BRINP2: variants seen among roughly 807,000 people sequenced by gnomAD.
The protein encoded by BRINP2 is BMP/retinoic acid inducible neural specific 2, also known as BMP/retinoic acid-inducible neural-specific protein 2.
BRINP2 carries 21 observed loss-of-function variants against 69.2 expected under a neutral mutation model. The ratio of observed to expected loss-of-function variants is 0.30; its 90% confidence interval spans 0.22 to 0.44. The LOEUF is 0.44. BRINP2 is among the 20% of genes least tolerant of loss of function. The probability of loss-of-function intolerance (pLI) is 1.00; values close to 1 mark genes in which losing one functional copy is unlikely to be tolerated. For synonymous variants in BRINP2, 380 were observed against 394.1 expected, an observed-to-expected ratio of 0.96 and a Z score of 0.42; for missense variants, 877 against 986.0, an observed-to-expected ratio of 0.89 and a Z score of 1.48.
intron 1 of BRINP2, among the ~76,000 whole-genome samples, chr1:177,204,249 T>C (rs1176596674): frequency 6.6e-6 from 1 of 152,118 alleles, no homozygotes; most frequent in Non-Finnish European, 1.5e-5. Flanking sequence ...CTAGTTGAAG[T>C]AGTCAGTTAG....
intron 2 of BRINP2, among the ~76,000 whole-genome samples, chr1:177,251,585 G>T (rs1408380179): frequency 6.6e-6 from 1 of 152,082 alleles, no homozygotes. Context: ...CACCATCATA[G>T]TTGCTGTTAA....
chr1:177,230,114 C>G lies in BRINP2; in HGVS notation c.238C>G (p.Gln80Glu), dbSNP rs553424360. 1.2e-6 allele frequency: 2 copies of G among 1,612,182 alleles called. No individual in the cohort carries two copies. The highest frequency in any genetic ancestry group is 2.2e-5 in the South Asian group (2 of 90,818). The change falls in exon 2 of 8, where the codon CAG becomes GAG. Residue 80 changes from glutamine to glutamate, a missense_variant. By Grantham distance (29) the Gln-to-Glu change is conservative. This residue lies in a region of BRINP2 where 566 missense variants were observed against 625.2 expected (regional missense o/e 0.91). Coordinates refer to ENST00000361539, the MANE Select transcript of BRINP2 (RefSeq NM_021165.4). ...EYADFMERYRQGFTTRYRIYR... is the reference protein window; with the variant it reads ...EYADFMERYREGFTTRYRIYR... ...TGCTGACTTCATGGAGCGGTACCGCCAGGGTTTCACCACCAGGTACAGGAT... is the reference window on the plus strand; with the variant it reads ...TGCTGACTTCATGGAGCGGTACCGCGAGGGTTTCACCACCAGGTACAGGAT...
chr1:177,201,215 C>T (rs915548947), intron 1 of BRINP2, among the ~76,000 whole-genome samples: 7 of 152,044 alleles, frequency 4.6e-5, no homozygotes, highest in Admixed American at 2.6e-4. Context: ...ATAAACAAAA[C>T]AGGTATTGAA....
At chr1:177,268,487 C>G (rs371435869) in intron 4 of BRINP2, among the ~76,000 whole-genome samples, 11 of 152,322 alleles carry the variant, frequency 7.2e-5, no homozygotes, top group African/African-American at 2.6e-4. Context: ...TCTTGTTCCC[C>G]TAAGCAGATG....
intron 4 of BRINP2, among the ~76,000 whole-genome samples, chr1:177,265,631 C>G (rs1651093808): frequency 6.6e-6 from 1 of 152,162 alleles, no homozygotes; most frequent in Non-Finnish European, 1.5e-5. Flanking sequence ...AGAGCCCAAA[C>G]TATTGTTCCC....
At chr1:177,227,732 G>C (rs1649740069) in intron 1 of BRINP2, among the ~76,000 whole-genome samples, 1 of 151,112 alleles carries the variant, frequency 6.6e-6, no homozygotes, top group African/African-American at 2.4e-5. Context: ...TCCAATATTA[G>C]GTATAAAATA....
chr1:177,220,488 G>A (rs1340130375), intron 1 of BRINP2, among the ~76,000 whole-genome samples: 3 of 152,052 alleles, frequency 2.0e-5, no homozygotes, highest in African/African-American at 7.2e-5. Flanking sequence ...TGATGTGCCT[G>A]TACCCCCTTC....
intron 1 of BRINP2, among the ~76,000 whole-genome samples, chr1:177,191,363 T>C (rs1253099027): frequency 6.6e-6 from 1 of 152,220 alleles, no homozygotes; most frequent in African/African-American, 2.4e-5. Context: ...AACATGAGGA[T>C]GAGGATGAGA....
intron 2 of BRINP2, among the ~76,000 whole-genome samples, chr1:177,240,973 A>T (rs950584792): frequency 6.6e-6 from 1 of 151,858 alleles, no homozygotes; most frequent in Non-Finnish European, 1.5e-5. Context: ...ACTGGAGCCA[A>T]TATTTTTTTT....
intron 1 of BRINP2, among the ~76,000 whole-genome samples, chr1:177,173,670 C>T (rs1204982878): frequency 6.6e-6 from 1 of 152,202 alleles, no homozygotes; most frequent in African/African-American, 2.4e-5. Flanking sequence ...GGCCTCCTGA[C>T]AGGTTGTTTA....
At chr1:177,176,620 AT>A (rs1359010231) in intron 1 of BRINP2, among the ~76,000 whole-genome samples, 1 of 151,676 alleles carries the variant, frequency 6.6e-6, no homozygotes, top group Non-Finnish European at 1.5e-5. Flanking sequence ...GTGCAGAGGC[AT>A]GAAATAGGAG....
chr1:177,280,432 A>T lies in BRINP2; in HGVS notation c.1256A>T (p.Asn419Ile), dbSNP rs539302390. 3.9e-5 allele frequency: 62 copies of T among 1,610,352 alleles called. No homozygotes were observed. The South Asian group carries it at 6.6e-4, about 17-fold the overall frequency. Residue 419 changes from asparagine to isoleucine, a missense_variant, in exon 8 of 8, where the codon AAC becomes ATC. By Grantham distance (149) the Asn-to-Ile change is moderately radical (BLOSUM62 -3). Coordinates refer to ENST00000361539, the MANE Select transcript of BRINP2 (RefSeq NM_021165.4). ...PKERSLSYWWNRIQSLLYCGE... is the reference protein window; with the variant it reads ...PKERSLSYWWIRIQSLLYCGE... ...CCAAGGTCCTTGTCCTACTGGTGGAACCGAATCCAGTCCCTCCTCTACTGT... is the reference window on the plus strand; with the variant it reads ...CCAAGGTCCTTGTCCTACTGGTGGATCCGAATCCAGTCCCTCCTCTACTGT...
chr1:177,212,066 C>CAGATAGAT lies in BRINP2; in HGVS notation c.-76-17698_-76-17691dup, dbSNP rs61645500. On this transcript the variant is annotated intron_variant, in intron 1 of 7. Coordinates refer to ENST00000361539, the MANE Select transcript of BRINP2 (RefSeq NM_021165.4). ...ATCTGTCTACATATCTCTATAGACA[C>CAGATAGAT]AGATAGATAGATAGATAGATAGATA... is the stretch of plus-strand genomic sequence containing the variant. Among the ~76,000 whole-genome samples, 485 of 149,152 alleles carry CAGATAGAT rather than the reference C, an allele frequency of 3.3e-3. 2 individuals are homozygous for CAGATAGAT. The highest frequency in any genetic ancestry group is 9.1e-3 in the East Asian group (45 of 4,962).
At chr1:177,185,010 A>G (rs1046056769) in intron 1 of BRINP2, among the ~76,000 whole-genome samples, 1 of 152,154 alleles carries the variant, frequency 6.6e-6, no homozygotes. Context: ...AGAAAACTGA[A>G]TTTTAACAAG....
chr1:177,219,864 A>G (rs1394881327), intron 1 of BRINP2, among the ~76,000 whole-genome samples: 2 of 152,190 alleles, frequency 1.3e-5, no homozygotes, highest in East Asian at 3.9e-4. Context: ...AAACCACCCT[A>G]TGTATATACA....
In BRINP2 at chr1:177,177,294, AAACAAC is replaced by A. The variant is rs149219703; in HGVS notation, c.-77+5586_-77+5591del. 4.4e-4 allele frequency among the ~76,000 whole-genome samples: 67 copies of A among 151,296 alleles called. 1 individual carries two copies. The highest frequency in any genetic ancestry group is 1.4e-3 in the African/African-American group (56 of 41,292). On this transcript the variant is annotated intron_variant, in intron 1 of 7. Transcript: ENST00000361539. ...AGACTCTTTATAAAAACAAACAAAC[AAACAAC>A]AACAACAACAACAACAACAACAAAA...
chr1:177,276,702 C>T (rs1048194589), intron 6 of BRINP2, among the ~76,000 whole-genome samples: 5 of 152,154 alleles, frequency 3.3e-5, no homozygotes, highest in Non-Finnish European at 7.4e-5. Context: ...AGGGCACAGA[C>T]CTTGTTTGTC....
In BRINP2 at chr1:177,178,931, T is replaced by C. The variant is rs570150398; in HGVS notation, c.-77+7199T>C. Among the ~76,000 whole-genome samples the C allele has an allele frequency of 3.9e-5, 6 of 152,308 alleles. No homozygotes were observed. In the East Asian group the frequency reaches 1.2e-3, roughly 29 times the overall value. ...CCGATAATAGCTAACACCTTAATAG[T>C]ACTTAAGTGTCAGGCAGACACTGTA... On this transcript the variant is annotated intron_variant, in intron 1 of 7. Transcript: ENST00000361539.
At chr1:177,226,199 A>G (rs1285116234) in intron 1 of BRINP2, among the ~76,000 whole-genome samples, 3 of 152,218 alleles carry the variant, frequency 2.0e-5, no homozygotes, top group Admixed American at 2.0e-4. Context: ...GCAACACAGG[A>G]GATCAGTGCA....
Sources: allele counts gnomAD v4.1 joint callset (sites outside exome capture counted in the v4.1 genomes callset), GRCh38; gene constraint gnomAD v4.1.1; regional missense constraint gnomAD v4.1.1; transcripts MANE v1.5; gene names NCBI Gene and HGNC (gene_info 2026-07-23, HGNC 2026-07-21).